The following HS3ST5 variants were observed in gnomAD, a reference collection of about 807,000 sequenced individuals.
The protein encoded by HS3ST5 is heparan sulfate glucosamine 3-O-sulfotransferase 5.
HS3ST5 carries 10 observed loss-of-function variants against 25.4 expected under a neutral mutation model. The observed-to-expected ratio is 0.39, with a 90% CI of 0.24 to 0.67. HS3ST5 has a LOEUF of 0.67. Among genes scored for constraint, HS3ST5 ranks in the 30% least tolerant of loss-of-function variants. The pLI, the probability that HS3ST5 is intolerant of heterozygous loss-of-function variation, is 0.44. For synonymous variants in HS3ST5, 170 were observed against 162.4 expected, an observed-to-expected ratio of 1.05 and a Z score of -0.36; for missense variants, 324 against 420.7, an observed-to-expected ratio of 0.77 and a Z score of 2.01.
rs1365817188 is a variant in HS3ST5, at chr6:114,056,955, A to G, written c.*302T>C. 3.8e-6 allele frequency: 1 copy of G among 261,330 alleles called. No homozygotes were observed. Among genetic ancestry groups the G allele is most frequent in the Admixed American group, 4.9e-5 (1 of 20,386 alleles). The allele number at this position is 261,330 out of a possible 1,614,324, so 16.2% of individuals were successfully genotyped here. On this transcript the variant is annotated 3_prime_UTR_variant, in exon 5 of 5. Coordinates refer to ENST00000312719, the MANE Select transcript of HS3ST5 (RefSeq NM_153612.4). The stretch of plus-strand genomic sequence containing the variant: ...AATCTATGAAAATGGCGGGTGACAA[A>G]TTCTGAATCAAAGGAAGACTAACTC...
intron 1 of HS3ST5, among the ~76,000 whole-genome samples, chr6:114,322,709 A>T (rs570167856): frequency 6.6e-6 from 1 of 152,254 alleles, no homozygotes; most frequent in Non-Finnish European, 1.5e-5. Context: ...CTTTCTTGCC[A>T]TCTATAATTC....
intron 1 of HS3ST5, among the ~76,000 whole-genome samples, chr6:114,307,848 T>C (rs1775363266): frequency 6.6e-6 from 1 of 152,004 alleles, no homozygotes; most frequent in Non-Finnish European, 1.5e-5. Context: ...TCATATTGTT[T>C]TTTGATTGAA....
At chr6:114,222,756 A>G in intron 2 of HS3ST5, among the ~76,000 whole-genome samples, 1 of 151,740 alleles carries the variant, frequency 6.6e-6, no homozygotes, top group East Asian at 1.9e-4. Flanking sequence ...TAGCTAAGAC[A>G]CTCATCTTAT....
At chr6:114,140,631 A>G (rs1777857485) in intron 3 of HS3ST5, among the ~76,000 whole-genome samples, 2 of 152,232 alleles carry the variant, frequency 1.3e-5, no homozygotes, top group African/African-American at 2.4e-5. Flanking sequence ...AATCCAACAC[A>G]GGGCATTAGT....
At chr6:114,333,560 G>T (rs544351469) in intron 1 of HS3ST5, among the ~76,000 whole-genome samples, 1 of 151,362 alleles carries the variant, frequency 6.6e-6, no homozygotes, top group African/African-American at 2.4e-5. Flanking sequence ...GAATGGACAG[G>T]GTATGAAGAT....
intron 1 of HS3ST5, among the ~76,000 whole-genome samples, chr6:114,277,214 GT>G (rs371011694): frequency 0.033 from 4,783 of 143,980 alleles, 216 homozygotes; most frequent in African/African-American, 0.11. Flanking sequence ...TATTAAAGCT[GT>G]TTTTTTTTTT....
intron 1 of HS3ST5, among the ~76,000 whole-genome samples, chr6:114,299,811 A>G (rs1285948580): frequency 6.6e-6 from 1 of 152,246 alleles, no homozygotes; most frequent in Non-Finnish European, 1.5e-5. Context: ...AACTAGAAAT[A>G]TACTATACCT....
At chr6:114,279,312 G>A (rs986127858) in intron 1 of HS3ST5, among the ~76,000 whole-genome samples, 2 of 151,994 alleles carry the variant, frequency 1.3e-5, no homozygotes, top group Admixed American at 1.3e-4. Flanking sequence ...CCTATAAATC[G>A]TGTTTGTTCT....
At chr6:114,162,052 A>G (rs1582667663) in intron 3 of HS3ST5, among the ~76,000 whole-genome samples, 1 of 152,266 alleles carries the variant, frequency 6.6e-6, no homozygotes, top group Non-Finnish European at 1.5e-5. Context: ...TTTTCATCTA[A>G]TTGTGCTGCC....
chr6:114,185,138 G>A (rs770237278), intron 2 of HS3ST5, among the ~76,000 whole-genome samples: 2 of 152,140 alleles, frequency 1.3e-5, no homozygotes, highest in Non-Finnish European at 2.9e-5. Flanking sequence ...GGGATGAAAT[G>A]AATGTATTTT....
intron 1 of HS3ST5, among the ~76,000 whole-genome samples, chr6:114,323,778 G>A (rs785142): frequency 1 from 152,058 of 152,278 alleles, 75,920 homozygotes; most frequent in Middle Eastern, 1. Flanking sequence ...AGAGTTATCC[G>A]GGGTATAAAG....
chr6:114,088,768 AT>A (rs1292900815), intron 3 of HS3ST5, among the ~76,000 whole-genome samples: 1 of 152,218 alleles, frequency 6.6e-6, no homozygotes, highest in African/African-American at 2.4e-5. Flanking sequence ...GTAAATATAT[AT>A]ACAGACTCAA....
intron 1 of HS3ST5, among the ~76,000 whole-genome samples, chr6:114,312,202 A>G (rs1395139364): frequency 4.6e-5 from 7 of 152,254 alleles, no homozygotes; most frequent in Non-Finnish European, 1.0e-4. Context: ...AAATCTAAGA[A>G]TAATGGAGAA....
At chr6:114,315,821 T>G (rs1775723872) in intron 1 of HS3ST5, among the ~76,000 whole-genome samples, 1 of 152,306 alleles carries the variant, frequency 6.6e-6, no homozygotes, top group African/African-American at 2.4e-5. Context: ...TATCTGCACT[T>G]TGTTTTCTCT....
Position 114,146,691 on chromosome 6 carries a change from G to A in HS3ST5, c.-33+21660C>T, listed in dbSNP as rs143894993. ...GACTGGTGGGATATGTTTGCATCAT[G>A]GGGGTGGATCCCTCATGGCTTGGTG... On this transcript the variant is annotated intron_variant, in intron 3 of 4. Transcript: ENST00000312719. Among the ~76,000 whole-genome samples the A allele has an allele frequency of 5.4e-4, 83 of 152,322 alleles. No homozygotes were observed. In the South Asian group the frequency reaches 0.014, roughly 25 times the overall value.
intron 2 of HS3ST5, among the ~76,000 whole-genome samples, chr6:114,209,918 A>C (rs1318647840): frequency 1.3e-5 from 2 of 152,200 alleles, no homozygotes; most frequent in Non-Finnish European, 2.9e-5. Context: ...AGGCAATAGC[A>C]TAAGGTGAAC....
At position 114,256,949 on chromosome 6, in the gene HS3ST5, C is replaced by T. The variant is rs959780956; in HGVS notation, c.-338-28171G>A. On this transcript the variant is annotated intron_variant, in intron 1 of 4. Transcript: ENST00000312719. ...TAGTTTCACATGGCTGGGGAGGCCT[C>T]GCAATCATGGCAGAAGGCAAAAGAC... is the stretch of plus-strand genomic sequence containing the variant. 5.3e-5 allele frequency among the ~76,000 whole-genome samples: 8 copies of T among 152,248 alleles called. No homozygotes were observed. In the South Asian group the frequency reaches 1.0e-3, roughly 20 times the overall value.
chr6:114,128,439 TACATGTCAGGC>T (rs11269022), intron 3 of HS3ST5, among the ~76,000 whole-genome samples: 6,439 of 152,206 alleles, frequency 0.042, 428 homozygotes, highest in African/African-American at 0.14. Context: ...ATTGCCTGTC[TACATGTCAGGC>T]ACTTTTCCAA....
At chr6:114,248,161 A>T (rs1772467277) in intron 1 of HS3ST5, among the ~76,000 whole-genome samples, 1 of 150,282 alleles carries the variant, frequency 6.7e-6, no homozygotes, top group Non-Finnish European at 1.5e-5. Context: ...AGATGGTGCC[A>T]CTGCACTCCA....
Sources: allele counts gnomAD v4.1 joint callset (sites outside exome capture counted in the v4.1 genomes callset), GRCh38; gene constraint gnomAD v4.1.1; transcripts MANE v1.5; gene names NCBI Gene and HGNC (gene_info 2026-07-23, HGNC 2026-07-21).